SLC44A5: variants seen among roughly 807,000 people sequenced by gnomAD.
The protein encoded by SLC44A5 is choline transporter-like protein 5.
SLC44A5 carries 57 observed loss-of-function variants against 101.8 expected under a neutral mutation model. The ratio of observed to expected loss-of-function variants is 0.56; its 90% CI spans 0.45 to 0.70. The LOEUF (loss-of-function observed/expected upper bound fraction) is 0.70. Ranked by LOEUF, SLC44A5 falls within the 30% of genes least tolerant of loss-of-function variation. The pLI is 0.00. For synonymous variants in SLC44A5, 281 were observed against 290.9 expected (o/e 0.97, Z 0.35); for missense variants, 737 against 853.1 (o/e 0.86, Z 1.70).
At chr1:75,549,518 A>G (rs1671825828) in intron 1 of SLC44A5, among the ~76,000 whole-genome samples, 1 of 152,120 alleles carries the variant, frequency 6.6e-6, no homozygotes, top group South Asian at 2.1e-4. Context: ...TTATTCATTT[A>G]TTCAACAAAC....
the SLC44A5 span, among the ~76,000 whole-genome samples, chr1:75,722,536 G>C: frequency 6.6e-6 from 1 of 152,150 alleles, no homozygotes; most frequent in African/African-American, 2.4e-5. Flanking sequence ...TGTTTCTTAT[G>C]ATTAGGCATA....
intron 2 of SLC44A5, among the ~76,000 whole-genome samples, chr1:75,403,264 C>T (rs1570156497): frequency 6.6e-6 from 1 of 152,160 alleles, no homozygotes; most frequent in Admixed American, 6.5e-5. Context: ...CAGCTGCGGG[C>T]GCAGCTTCAG....
chr1:75,537,022 AAAAAAAAAAAAATAT>A (rs1344938295), intron 2 of SLC44A5, among the ~76,000 whole-genome samples: 2 of 49,346 alleles, frequency 4.1e-5, no homozygotes, highest in Admixed American at 2.7e-4. Context: ...AAAAAAAAAA[AAAAAAAAAAAAATAT>A]ATATCTATGC....
At chr1:75,403,042 A>G (rs1557748451) in intron 2 of SLC44A5, among the ~76,000 whole-genome samples, 2 of 152,178 alleles carry the variant, frequency 1.3e-5, no homozygotes, top group Non-Finnish European at 2.9e-5. Context: ...AGGGCTCAGA[A>G]GAAGGTTTTC....
intron 2 of SLC44A5, among the ~76,000 whole-genome samples, chr1:75,488,994 A>G (rs943576516): frequency 6.6e-6 from 1 of 152,018 alleles, no homozygotes; most frequent in Admixed American, 6.6e-5. Flanking sequence ...GATTACAGGC[A>G]TACACCACCA....
chr1:75,584,255 AG>A (rs1429212545), intron 1 of SLC44A5, among the ~76,000 whole-genome samples: 4 of 152,190 alleles, frequency 2.6e-5, no homozygotes, highest in Non-Finnish European at 5.9e-5. Context: ...GGTAATTAAA[AG>A]GTTCATGAAA....
At chr1:75,448,274 C>G (rs1269872927) in intron 2 of SLC44A5, among the ~76,000 whole-genome samples, 2 of 152,264 alleles carry the variant, frequency 1.3e-5, no homozygotes, top group East Asian at 3.9e-4. Context: ...TCCTAATGTT[C>G]AAGTCTGCAT....
intron 4 of SLC44A5, among the ~76,000 whole-genome samples, chr1:75,314,530 A>G (rs1200322768): frequency 6.6e-6 from 1 of 152,206 alleles, no homozygotes; most frequent in African/African-American, 2.4e-5. Context: ...CATTGATGCT[A>G]GGGTTGCAGT....
At chr1:75,608,587 A>G (rs1324856170) in intron 1 of SLC44A5, among the ~76,000 whole-genome samples, 1 of 152,032 alleles carries the variant, frequency 6.6e-6, no homozygotes, top group Non-Finnish European at 1.5e-5. Flanking sequence ...CCAAAGTCTT[A>G]AAACTTTCTA....
In SLC44A5 at chr1:75,427,623, T is replaced by C. The variant is rs146964628; in HGVS notation, c.14-31002A>G. 4.9e-3 allele frequency among the ~76,000 whole-genome samples: 749 copies of C among 152,332 alleles called. 11 individuals carry two copies. Among genetic ancestry groups the C allele is most frequent in the African/African-American group, 0.017 (718 of 41,582 alleles). ...CAATACAGTTTAGTGGTTAAGAGCA[T>C]GGACTCTGCAGCCAGACTGCCTAGG... is the stretch of plus-strand genomic sequence containing the variant. On this transcript the variant is annotated intron_variant, in intron 2 of 23. Transcript: ENST00000370859.
intron 5 of SLC44A5, among the ~76,000 whole-genome samples, chr1:75,282,934 T>G (rs1652727412): frequency 6.6e-6 from 1 of 152,144 alleles, no homozygotes; most frequent in African/African-American, 2.4e-5. Context: ...TACACCATAT[T>G]TTTGCATTTG....
intron 6 of SLC44A5, among the ~76,000 whole-genome samples, chr1:75,271,230 C>T (rs973049017): frequency 6.6e-6 from 1 of 152,094 alleles, no homozygotes; most frequent in East Asian, 1.9e-4. Flanking sequence ...AATTCTACTT[C>T]ATGAATTTTG....
chr1:75,259,673 C>G (rs532292507), intron 6 of SLC44A5, among the ~76,000 whole-genome samples: 1 of 152,178 alleles, frequency 6.6e-6, no homozygotes, highest in Non-Finnish European at 1.5e-5. Context: ...TCAGGAAATA[C>G]AGAAAACACC....
chr1:75,293,073 A>G (rs1486448599), intron 5 of SLC44A5, among the ~76,000 whole-genome samples: 1 of 152,252 alleles, frequency 6.6e-6, no homozygotes, highest in Non-Finnish European at 1.5e-5. Flanking sequence ...TCATGTGTGC[A>G]TAAAACAGAA....
intron 13 of SLC44A5, 87 bp downstream of exon 13, chr1:75,227,639 G>T: frequency 9.3e-7 from 1 of 1,078,214 alleles, no homozygotes; most frequent in East Asian, 2.8e-5. Flanking sequence ...ACATTTAACA[G>T]GTTATACCAA....
the SLC44A5 span, among the ~76,000 whole-genome samples, chr1:75,640,789 G>A: frequency 2.0e-5 from 3 of 152,104 alleles, no homozygotes. Context: ...ACAATTGTAT[G>A]CAGGCTCGAA....
chr1:75,256,911 A>G (rs1417911447), intron 6 of SLC44A5, among the ~76,000 whole-genome samples: 1 of 152,198 alleles, frequency 6.6e-6, no homozygotes, highest in Non-Finnish European at 1.5e-5. Context: ...TATATGAGTT[A>G]GAAATATTCA....
chr1:75,245,795 C>A (rs1048228360), intron 7 of SLC44A5, among the ~76,000 whole-genome samples: 57 of 152,136 alleles, frequency 3.7e-4, no homozygotes, highest in African/African-American at 1.1e-3. Context: ...AATACAACTG[C>A]ACTTTACTTT....
intron 8 of SLC44A5, among the ~76,000 whole-genome samples, chr1:75,242,385 C>T (rs965964009): frequency 1.3e-5 from 2 of 151,602 alleles, no homozygotes; most frequent in Admixed American, 6.6e-5. Context: ...AGAAAAACAA[C>T]ATCTTCTCTA....
Sources: gnomAD v4.1 joint callset for allele counts (sites outside exome capture counted in the v4.1 genomes callset) on GRCh38, gnomAD v4.1.1 for gene constraint, MANE v1.5 for transcripts, NCBI Gene and HGNC (gene_info 2026-07-23, HGNC 2026-07-21) for gene names.